The following CHD6 variants were observed in gnomAD, a reference collection of about 807,000 sequenced individuals.
CHD6 encodes ATP-dependent chromatin remodeler CHD6.
In CHD6, 50 loss-of-function variants were observed where a neutral mutation model predicts 276.9. The observed-to-expected ratio is 0.18, with a 90% CI of 0.14 to 0.23. The LOEUF is 0.23. Among genes scored for constraint, CHD6 ranks in the 10% least tolerant of loss-of-function variants. CHD6 has a pLI of 1.00. For synonymous variants in CHD6, 1,173 were observed against 1,229.3 expected (o/e 0.95, Z 0.96); for missense variants, 2,564 against 3,365.8 (o/e 0.76, Z 5.89).
chr20:41,471,848 T>C (rs934707001), intron 17 of CHD6, among the ~76,000 whole-genome samples: 2 of 152,070 alleles, frequency 1.3e-5, no homozygotes, highest in African/African-American at 4.8e-5. Context: ...ATTTTCAGAG[T>C]TTTAACCATC....
chr20:41,469,939 T>C (rs1265073945), intron 17 of CHD6, among the ~76,000 whole-genome samples: 8 of 152,266 alleles, frequency 5.3e-5, no homozygotes, highest in Non-Finnish European at 1.5e-5. Flanking sequence ...CTTCATTTTC[T>C]GGAAAGCAAG....
intron 1 of CHD6, among the ~76,000 whole-genome samples, chr20:41,568,300 T>C (rs1357115899): frequency 6.6e-6 from 1 of 152,224 alleles, no homozygotes; most frequent in African/African-American, 2.4e-5. Flanking sequence ...TAGCCCTCCA[T>C]TTGAATTCTG....
At chr20:41,465,893 A>G (rs764898507) in intron 17 of CHD6, among the ~76,000 whole-genome samples, 18 of 152,206 alleles carry the variant, frequency 1.2e-4, no homozygotes, top group Non-Finnish European at 2.5e-4. Context: ...CCTGTTCTCT[A>G]AAGGTAACCA....
intron 2 of CHD6, among the ~76,000 whole-genome samples, chr20:41,546,835 C>T (rs746226413): frequency 6.6e-6 from 1 of 152,098 alleles, no homozygotes; most frequent in African/African-American, 2.4e-5. Flanking sequence ...CACTTTTAAA[C>T]GTTTTATTAA....
At chr20:41,593,532 G>A (rs1294463113) in intron 1 of CHD6, among the ~76,000 whole-genome samples, 1 of 152,130 alleles carries the variant, frequency 6.6e-6, no homozygotes, top group Non-Finnish European at 1.5e-5. Flanking sequence ...AGCTCTTCTA[G>A]CCTGTTTTTC....
At chr20:41,406,539 A>G (rs1372297969) in intron 36 of CHD6, among the ~76,000 whole-genome samples, 1 of 152,190 alleles carries the variant, frequency 6.6e-6, no homozygotes, top group East Asian at 1.9e-4. Flanking sequence ...CTCCTTCCTG[A>G]GAGTGGAGCT....
At chr20:41,459,812 C>G (rs746262972) in intron 17 of CHD6, among the ~76,000 whole-genome samples, 7 of 152,128 alleles carry the variant, frequency 4.6e-5, no homozygotes, top group Non-Finnish European at 7.4e-5. Context: ...TAAATTGGTA[C>G]CAGTAAAGCA....
Position 41,421,501 on chromosome 20 carries a change from CCTT to C in CHD6, c.5131_5133del (p.Lys1711del), listed in dbSNP as rs775764821. 2.0e-5 allele frequency: 33 copies of C among 1,613,064 alleles called. No homozygotes were observed. In the Admixed American group the frequency reaches 5.5e-4, roughly 27 times the overall value. Reference sequence around the variant, plus strand: ...AAAGAGCTTGGTTCTTGGCTGAGCACCTTCTTACCATACATCATGCTCTCTAAG... The same window carrying C: ...AAAGAGCTTGGTTCTTGGCTGAGCACCTTACCATACATCATGCTCTCTAAG... On this transcript the variant is annotated inframe_deletion, in exon 31 of 37. Transcript: ENST00000373233.
intron 1 of CHD6, among the ~76,000 whole-genome samples, chr20:41,594,908 G>C (rs1433757957): frequency 1.3e-5 from 2 of 152,252 alleles, no homozygotes; most frequent in Non-Finnish European, 2.9e-5. Flanking sequence ...GTGTGTTCTT[G>C]TGATCGGACA....
chr20:41,473,591 A>C lies in CHD6; in HGVS notation c.2469-74T>G, dbSNP rs946400468. The C allele has an allele frequency of 6.5e-5, 82 of 1,253,278 alleles. No individual in the cohort carries two copies. Among genetic ancestry groups the C allele is most frequent in the Non-Finnish European group, 8.5e-5 (74 of 872,056 alleles). 77.6% of individuals were successfully genotyped at this position (1,253,278 alleles called of 1,614,324 possible). A position where few individuals can be genotyped will look rare whatever the true frequency, so the allele number is the denominator to read the frequency against. On this transcript the variant is annotated intron_variant, in intron 16 of 36. Coordinates refer to ENST00000373233, the MANE Select transcript of CHD6 (RefSeq NM_032221.5). This position sits in a 1 kb window ranked among gnomAD's most constrained non-coding sequence, Gnocchi z 4.1. ...ATGGAGAACAGCACAAAATGCAGGA[A>C]GCTGTCGACTGATGGCCTTAAATCC...
rs1294710866 is a variant in CHD6 at position 41,404,726 on chromosome 20, G to T, written c.8015C>A (p.Ala2672Asp). ...GDNPNSHPEP[A>D]PSCEREPSGD... ...GCTGGGCTCCCTTTCACAGCTGGGAGCAGGCTCTGGGTGGGAGTTGGGGTT... is the reference window on the plus strand; with the variant it reads ...GCTGGGCTCCCTTTCACAGCTGGGATCAGGCTCTGGGTGGGAGTTGGGGTT... Residue 2672 changes from alanine to aspartate, a missense_variant, in exon 37 of 37, where the codon GCT becomes GAT. This residue lies in a region of CHD6 where 238 missense variants were observed against 266.0 expected (regional missense o/e 0.89). Transcript: ENST00000373233. The T allele has an allele frequency of 6.2e-7, 1 of 1,602,534 alleles. No homozygotes were observed. Among genetic ancestry groups the T allele is most frequent in the Non-Finnish European group, 8.5e-7 (1 of 1,174,118 alleles).
At chr20:41,445,450 T>C (rs193183649) in intron 25 of CHD6, among the ~76,000 whole-genome samples, 141 of 152,296 alleles carry the variant, frequency 9.3e-4, no homozygotes, top group African/African-American at 3.2e-3. Context: ...GCCTGAATGT[T>C]CCTCAATAAT....
intron 1 of CHD6, among the ~76,000 whole-genome samples, chr20:41,607,766 G>GA (rs11086808): frequency 0.45 from 53,434 of 118,002 alleles, 13,151 homozygotes; most frequent in East Asian, 0.88. Context: ...CATTCCACAG[G>GA]AAAAAAAAAA....
intron 5 of CHD6, among the ~76,000 whole-genome samples, chr20:41,509,509 G>C (rs541300968): frequency 2.6e-4 from 39 of 152,274 alleles, no homozygotes; most frequent in Non-Finnish European, 5.6e-4. Context: ...GAACTTTCGG[G>C]AGGAGGAAAC....
At chr20:41,508,776 C>T (rs1374352494) in intron 5 of CHD6, among the ~76,000 whole-genome samples, 1 of 151,896 alleles carries the variant, frequency 6.6e-6, no homozygotes, top group Non-Finnish European at 1.5e-5. Flanking sequence ...AGAAAGGAGC[C>T]CTTTCTGAGG....
In CHD6 at chr20:41,415,408, G is replaced by C; in HGVS notation, c.6717C>G (p.Thr2239=). The C allele has an allele frequency of 2.5e-6, 4 of 1,613,182 alleles. No individual in the cohort carries two copies. Among genetic ancestry groups the C allele is most frequent in the Non-Finnish European group, 3.4e-6 (4 of 1,179,536 alleles). Residue 2239 remains threonine (T), a synonymous_variant, in exon 34 of 37, where the codon ACC becomes ACG. Coordinates refer to ENST00000373233, the MANE Select transcript of CHD6 (RefSeq NM_032221.5). ...ATSPFPVSAS[T]PKIGAISSLQ... is the part of the protein sequence containing the mutation. ...GTGAACTGATAGCCCCAATCTTAGG[G>C]GTGCTGGCGCTCACTGGGAAAGGGG...
At chr20:41,532,815 G>GT (rs2044720954) in intron 3 of CHD6, among the ~76,000 whole-genome samples, 1 of 152,178 alleles carries the variant, frequency 6.6e-6, no homozygotes, top group Non-Finnish European at 1.5e-5. Context: ...CACAAATGTC[G>GT]TTTTTGAAAT....
intron 1 of CHD6, among the ~76,000 whole-genome samples, chr20:41,601,812 A>G (rs1219418969): frequency 6.6e-6 from 1 of 152,224 alleles, no homozygotes. Flanking sequence ...GCATATCGTG[A>G]GCACTCAATA....
At chr20:41,572,199 A>AG (rs1242513307) in intron 1 of CHD6, among the ~76,000 whole-genome samples, 3 of 152,212 alleles carry the variant, frequency 2.0e-5, no homozygotes, top group Non-Finnish European at 1.5e-5. Context: ...AAACCTGGTC[A>AG]GCAGAGGCAG....
Sources: gnomAD v4.1 joint callset for allele counts (sites outside exome capture counted in the v4.1 genomes callset) on GRCh38, gnomAD v4.1.1 for gene constraint, gnomAD v4.1.1 regional missense constraint, Gnocchi (gnomAD v3.1) non-coding constraint, MANE v1.5 for transcripts, NCBI Gene and HGNC (gene_info 2026-07-23, HGNC 2026-07-21) for gene names.